Variants in EXOC4 observed in about 807,000 individuals in gnomAD.
EXOC4 encodes exocyst complex component 4, also known as SEC8-like 1.
In EXOC4, 71 loss-of-function variants were observed where a neutral mutation model predicts 107.2. The ratio of observed to expected loss-of-function variants is 0.66; its 90% CI spans 0.55 to 0.81. EXOC4 has a LOEUF of 0.81. Among genes scored for constraint, EXOC4 ranks in the 30% least tolerant of loss-of-function variants. The pLI, the probability that EXOC4 is intolerant of heterozygous loss-of-function variation, is 0.00. For missense variants in EXOC4, 1,108 were observed against 1,189.6 expected, an observed-to-expected ratio of 0.93 and a Z score of 1.01; for synonymous variants, 456 against 441.2, an observed-to-expected ratio of 1.03 and a Z score of -0.42.
At chr7:133,630,711 C>G (rs1057180027) in intron 10 of EXOC4, among the ~76,000 whole-genome samples, 1 of 152,048 alleles carries the variant, frequency 6.6e-6, no homozygotes, top group African/African-American at 2.4e-5. Flanking sequence ...ATTGGCAGGT[C>G]TCTGAAATAT....
At chr7:133,941,076 C>T (rs930126933) in intron 14 of EXOC4, among the ~76,000 whole-genome samples, 15 of 151,564 alleles carry the variant, frequency 9.9e-5, no homozygotes, top group African/African-American at 3.4e-4. Context: ...CGGCTCACTG[C>T]AGCCTCTGCT....
At chr7:133,790,021 C>T (rs1040004717) in intron 10 of EXOC4, among the ~76,000 whole-genome samples, 1 of 152,150 alleles carries the variant, frequency 6.6e-6, no homozygotes, top group Non-Finnish European at 1.5e-5. Context: ...AAACCTGACG[C>T]CAGTAGTGTT....
intron 17 of EXOC4, among the ~76,000 whole-genome samples, chr7:134,011,337 A>C (rs1221508408): frequency 6.6e-6 from 1 of 152,112 alleles, no homozygotes; most frequent in Non-Finnish European, 1.5e-5. Flanking sequence ...GCCATTGTTC[A>C]AAAAGAATAT....
chr7:133,495,150 G>A lies in EXOC4; in HGVS notation c.1417+15012G>A, dbSNP rs189631543. Among the ~76,000 whole-genome samples, 724 of 151,996 alleles carry A rather than the reference G, an allele frequency of 4.8e-3. 5 individuals carry two copies. The highest frequency in any genetic ancestry group is 0.017 in the Middle Eastern group (5 of 294). ...ATCTGTAATCCCAGCTACTAGGGAG[G>A]CTGAGGCAGGAGAATCGCTTGAGGC... On this transcript the variant is annotated intron_variant, in intron 9 of 17. Coordinates refer to ENST00000253861, the MANE Select transcript of EXOC4 (RefSeq NM_021807.4).
chr7:133,898,074 C>T lies in EXOC4; in HGVS notation c.1871+2339C>T, dbSNP rs1446595701. 3.6e-5 allele frequency among the ~76,000 whole-genome samples: 5 copies of T among 138,402 alleles called. No individual in the cohort carries two copies. The East Asian group carries it at 1.2e-3, about 34-fold the overall frequency. The allele number at this position is 138,402 out of a possible 152,430, so 90.8% of individuals were successfully genotyped here. ...CTACCCTCTACTTCTATAAGTTCAACTCTTTTAGAGTCCCCATATAAGTGA... is the reference window on the plus strand; with the variant it reads ...CTACCCTCTACTTCTATAAGTTCAATTCTTTTAGAGTCCCCATATAAGTGA... On this transcript the variant is annotated intron_variant, in intron 12 of 17. Transcript: ENST00000253861.
intron 13 of EXOC4, among the ~76,000 whole-genome samples, chr7:133,933,041 C>T (rs527476210): frequency 1.7e-5 from 2 of 117,652 alleles, no homozygotes; most frequent in South Asian, 3.3e-4. Context: ...CTGCTGAAAG[C>T]GCAGATTTTT....
intron 11 of EXOC4, among the ~76,000 whole-genome samples, chr7:133,864,145 T>C (rs1188405379): frequency 1.3e-5 from 2 of 152,206 alleles, no homozygotes; most frequent in Non-Finnish European, 2.9e-5. Flanking sequence ...CACTGTAGTT[T>C]TTGTCTACAG....
At chr7:133,645,826 T>C (rs1281441274) in intron 10 of EXOC4, among the ~76,000 whole-genome samples, 1 of 152,168 alleles carries the variant, frequency 6.6e-6, no homozygotes, top group East Asian at 1.9e-4. Flanking sequence ...CACTTCCAAA[T>C]GTATTTTGTG....
At chr7:133,739,015 A>G (rs1442342327) in intron 10 of EXOC4, among the ~76,000 whole-genome samples, 1 of 152,152 alleles carries the variant, frequency 6.6e-6, no homozygotes, top group East Asian at 1.9e-4. Context: ...CCCAAAGTGT[A>G]CTCTTAGCTA....
At chr7:133,956,656 C>T (rs1176813095) in intron 14 of EXOC4, among the ~76,000 whole-genome samples, 1 of 152,190 alleles carries the variant, frequency 6.6e-6, no homozygotes, top group Non-Finnish European at 1.5e-5. Context: ...ACACAGGTCT[C>T]AGGGCAGCTC....
chr7:133,375,641 T>C (rs1234644963), intron 7 of EXOC4, among the ~76,000 whole-genome samples: 1 of 152,224 alleles, frequency 6.6e-6, no homozygotes, highest in Non-Finnish European at 1.5e-5. Flanking sequence ...AGCATTATTT[T>C]ATAAACATGT....
chr7:133,317,955 G>A (rs1563015842), intron 5 of EXOC4, among the ~76,000 whole-genome samples: 2 of 151,602 alleles, frequency 1.3e-5, no homozygotes, highest in Non-Finnish European at 2.9e-5. Flanking sequence ...ACCACACCCG[G>A]GCGACCAGCA....
At chr7:134,081,391 C>T in the EXOC4 span, among the ~76,000 whole-genome samples, 28 of 152,138 alleles carry the variant, frequency 1.8e-4, no homozygotes, top group East Asian at 5.4e-3. Context: ...CAGCCCCTTC[C>T]CCACAGCCTA....
chr7:133,734,690 A>T (rs572652665), intron 10 of EXOC4, among the ~76,000 whole-genome samples: 2 of 152,202 alleles, frequency 1.3e-5, no homozygotes, highest in East Asian at 3.9e-4. Flanking sequence ...CATTCAAAGG[A>T]AATGCTCATT....
Position 133,936,999 on chromosome 7 carries a change from A to G in EXOC4, c.2028-892A>G, listed in dbSNP as rs1247189550. Among the ~76,000 whole-genome samples the G allele has an allele frequency of 3.3e-5, 5 of 152,214 alleles. No individual in the cohort carries two copies. In the East Asian group the frequency reaches 9.7e-4, roughly 29 times the overall value. ...TCTAATTTTAGCCCTCTTCCTTTTT[A>G]AAAGGAAAGAGAGCTGTGGAAATTA... is the stretch of plus-strand genomic sequence containing the variant. On this transcript the variant is annotated intron_variant, in intron 13 of 17. Coordinates refer to ENST00000253861, the MANE Select transcript of EXOC4 (RefSeq NM_021807.4).
At chr7:133,958,867 G>C (rs1052639000) in intron 14 of EXOC4, among the ~76,000 whole-genome samples, 2 of 152,210 alleles carry the variant, frequency 1.3e-5, no homozygotes, top group Non-Finnish European at 1.5e-5. Context: ...ATAGCTGAGT[G>C]TGAGGGCTGT....
chr7:133,360,176 A>G (rs1346456742), intron 6 of EXOC4, among the ~76,000 whole-genome samples: 1 of 152,242 alleles, frequency 6.6e-6, no homozygotes, highest in Non-Finnish European at 1.5e-5. Context: ...CTAATTGTTG[A>G]TTCTTTCCCA....
chr7:133,886,012 C>T (rs1799078819), intron 11 of EXOC4, among the ~76,000 whole-genome samples: 1 of 152,146 alleles, frequency 6.6e-6, no homozygotes, highest in Non-Finnish European at 1.5e-5. Context: ...CAAGCTCACC[C>T]TGTTCACAGT....
At chr7:133,286,547 C>T (rs1794282037) in intron 2 of EXOC4, among the ~76,000 whole-genome samples, 1 of 152,178 alleles carries the variant, frequency 6.6e-6, no homozygotes, top group African/African-American at 2.4e-5. Flanking sequence ...CACTACAAAC[C>T]TGATTGGAAG....
Sources: allele counts gnomAD v4.1 joint callset (sites outside exome capture counted in the v4.1 genomes callset), GRCh38; gene constraint gnomAD v4.1.1; transcripts MANE v1.5; gene names NCBI Gene and HGNC (gene_info 2026-07-23, HGNC 2026-07-21).